SPIDR: variants seen among roughly 807,000 people sequenced by gnomAD.
SPIDR encodes DNA repair-scaffolding protein.
Under a neutral mutation model 104.6 loss-of-function variants are expected in SPIDR, and 93 were observed. The observed-to-expected ratio is 0.89, with a 90% CI of 0.75 to 1.06. The LOEUF (loss-of-function observed/expected upper bound fraction) is 1.06, where lower values mean the gene tolerates loss of function less well. Among genes scored for constraint, SPIDR ranks in the 50% least tolerant of loss-of-function variants. SPIDR has a pLI of 0.00. For missense variants in SPIDR, 1,154 were observed against 1,111.2 expected, an observed-to-expected ratio of 1.04 and a Z score of -0.55; for synonymous variants, 431 against 416.9, an observed-to-expected ratio of 1.03 and a Z score of -0.41.
At chr8:47,546,389 G>A (rs924828908) in intron 8 of SPIDR, among the ~76,000 whole-genome samples, 2 of 152,070 alleles carry the variant, frequency 1.3e-5, no homozygotes, top group African/African-American at 4.8e-5. Context: ...CAAATTTTGT[G>A]TGCAGACTTG....
intron 14 of SPIDR, among the ~76,000 whole-genome samples, chr8:47,706,810 G>A (rs952738997): frequency 2.0e-5 from 3 of 152,124 alleles, no homozygotes; most frequent in African/African-American, 7.2e-5. Context: ...CACTTCCGGA[G>A]GCCAGAAGTC....
At chr8:47,523,447 T>G (rs962706766) in intron 8 of SPIDR, among the ~76,000 whole-genome samples, 4 of 152,178 alleles carry the variant, frequency 2.6e-5, no homozygotes, top group African/African-American at 9.7e-5. Context: ...GTTTGAAGAT[T>G]ATCCATGTTT....
chr8:47,269,262 CT>C (rs1338804844), intron 1 of SPIDR, among the ~76,000 whole-genome samples: 4 of 143,836 alleles, frequency 2.8e-5, no homozygotes, highest in East Asian at 2.2e-4. Flanking sequence ...GTGAGACCAT[CT>C]TTTTTTCCCC....
chr8:47,354,260 C>T (rs1369896384), intron 5 of SPIDR, among the ~76,000 whole-genome samples: 1 of 151,890 alleles, frequency 6.6e-6, no homozygotes, highest in Non-Finnish European at 1.5e-5. Flanking sequence ...GGTGTATATA[C>T]CTATGAAGAT....
chr8:47,607,262 GTTC>G (rs1309835971), intron 10 of SPIDR, among the ~76,000 whole-genome samples: 2 of 152,112 alleles, frequency 1.3e-5, no homozygotes, highest in African/African-American at 4.8e-5. Context: ...CCTTAGGTTT[GTTC>G]TTACCTTTGC....
intron 5 of SPIDR, among the ~76,000 whole-genome samples, chr8:47,346,123 T>G (rs145495972): frequency 0.012 from 1,761 of 152,296 alleles, 38 homozygotes; most frequent in African/African-American, 0.039. Flanking sequence ...CTCTTATTAT[T>G]TTGAGATACA....
chr8:47,537,516 CTA>C, intron 8 of SPIDR, among the ~76,000 whole-genome samples: 1 of 152,252 alleles, frequency 6.6e-6, no homozygotes, highest in African/African-American at 2.4e-5. Context: ...AAAGGCAAAA[CTA>C]TGGAAATAGT....
chr8:47,494,987 A>G lies in SPIDR; in HGVS notation c.1097+54445A>G, dbSNP rs563477908. Among the ~76,000 whole-genome samples, 3 of 152,324 alleles carry G rather than the reference A, an allele frequency of 2.0e-5. 1 individual carries two copies. In the South Asian group the frequency reaches 6.2e-4, roughly 32 times the overall value. ...ACAGGTGACTTTTGTAATGTTCTCC[A>G]TTCATAAGACAGGGCCACCCCAGTG... On this transcript the variant is annotated intron_variant, in intron 8 of 19. Coordinates refer to ENST00000297423, the MANE Select transcript of SPIDR (RefSeq NM_001080394.4).
chr8:47,576,758 TCTA>T (rs2059176276), intron 8 of SPIDR, among the ~76,000 whole-genome samples: 1 of 152,212 alleles, frequency 6.6e-6, no homozygotes, highest in Admixed American at 6.5e-5. Flanking sequence ...TATAAAGCAG[TCTA>T]ATGGATCAAA....
At chr8:47,552,136 C>G (rs1344815195) in intron 8 of SPIDR, among the ~76,000 whole-genome samples, 1 of 152,154 alleles carries the variant, frequency 6.6e-6, no homozygotes, top group Non-Finnish European at 1.5e-5. Flanking sequence ...GTCTGAGAGA[C>G]AGTTTGTTAC....
intron 8 of SPIDR, among the ~76,000 whole-genome samples, chr8:47,458,374 T>TATTTTA (rs1554711142): frequency 2.2e-4 from 33 of 149,344 alleles, no homozygotes; most frequent in African/African-American, 7.9e-4. Context: ...TATTTTATTT[T>TATTTTA]ATTTTATTTT....
At chr8:47,328,911 T>A (rs1198301826) in intron 5 of SPIDR, among the ~76,000 whole-genome samples, 1 of 152,128 alleles carries the variant, frequency 6.6e-6, no homozygotes. Flanking sequence ...TTCACAATTT[T>A]TTTTTTCTTT....
At chr8:47,444,914 G>A (rs2070266544) in intron 8 of SPIDR, among the ~76,000 whole-genome samples, 1 of 152,288 alleles carries the variant, frequency 6.6e-6, no homozygotes, top group East Asian at 1.9e-4. Flanking sequence ...CAGCTATGTA[G>A]TAGATATTGT....
intron 11 of SPIDR, among the ~76,000 whole-genome samples, chr8:47,682,855 C>T (rs1377133616): frequency 1.3e-5 from 2 of 152,184 alleles, no homozygotes; most frequent in Non-Finnish European, 2.9e-5. Flanking sequence ...CCAGCCATCA[C>T]TTTTGTCTTT....
chr8:47,454,564 A>G (rs1237640153), intron 8 of SPIDR, among the ~76,000 whole-genome samples: 1 of 152,116 alleles, frequency 6.6e-6, no homozygotes, highest in Admixed American at 6.6e-5. Context: ...CAGCACACCA[A>G]CATGGCACAT....
At chr8:47,567,709 C>A (rs1437142498) in intron 8 of SPIDR, among the ~76,000 whole-genome samples, 1 of 151,934 alleles carries the variant, frequency 6.6e-6, no homozygotes. Context: ...CATTAACAGA[C>A]CGTATGTGTG....
intron 7 of SPIDR, among the ~76,000 whole-genome samples, chr8:47,428,871 G>A (rs1554687048): frequency 2.6e-5 from 4 of 152,162 alleles, no homozygotes; most frequent in Non-Finnish European, 5.9e-5. Context: ...GGGGTCAGGG[G>A]AGCTGACTCT....
intron 5 of SPIDR, among the ~76,000 whole-genome samples, chr8:47,396,069 T>C (rs782064009): frequency 6.6e-5 from 10 of 152,270 alleles, no homozygotes; most frequent in Non-Finnish European, 1.3e-4. Context: ...AGTTCAGTTT[T>C]GGAGATTGCC....
At chr8:47,688,584 G>C (rs1435285210) in intron 11 of SPIDR, 1 of 152,188 alleles carries the variant, frequency 6.6e-6, no homozygotes, top group Admixed American at 6.5e-5. Flanking sequence ...CGGTTTATTC[G>C]TTTTCATTCC....
Sources: allele counts gnomAD v4.1 joint callset (sites outside exome capture counted in the v4.1 genomes callset), GRCh38; gene constraint gnomAD v4.1.1; transcripts MANE v1.5; gene names NCBI Gene and HGNC (gene_info 2026-07-23, HGNC 2026-07-21).